Variants in ZSCAN18 observed in about 807,000 individuals in gnomAD.
The protein encoded by ZSCAN18 is zinc finger and SCAN domain-containing protein 18.
A neutral mutation model predicts 31.1 loss-of-function variants in ZSCAN18; 16 were observed. The ratio of observed to expected loss-of-function variants is 0.51; its 90% CI spans 0.35 to 0.78. The LOEUF (loss-of-function observed/expected upper bound fraction) is 0.78, where lower values mean the gene tolerates loss of function less well. ZSCAN18 is among the 30% of genes least tolerant of loss of function. The pLI is 0.01. For missense variants in ZSCAN18, 731 were observed against 697.4 expected (o/e 1.05, Z -0.54); for synonymous variants, 375 against 320.7 (o/e 1.17, Z -1.81).
chr19:58,095,433 C>A (rs2074501918), intron 1 of ZSCAN18, among the ~76,000 whole-genome samples: 1 of 152,180 alleles, frequency 6.6e-6, no homozygotes, highest in South Asian at 2.1e-4. Flanking sequence ...GGGACCCCAC[C>A]TGCAAAGTGA....
In ZSCAN18 at chr19:58,087,416, GA is replaced by G. The variant is rs1354377829; in HGVS notation, c.554-13del. 20 of 1,593,014 alleles carry G rather than the reference GA, an allele frequency of 1.3e-5. No individual in the cohort carries two copies. Among genetic ancestry groups the G allele is most frequent in the Non-Finnish European group, 1.7e-5 (20 of 1,168,960 alleles). ...CGGAGAAAGCCAGGCTGGGGAGAAG[GA>G]GAGGCAGAGCTGAGGCAATGAGCTC... is the stretch of plus-strand genomic sequence containing the variant. On this transcript the variant is annotated splice_polypyrimidine_tract_variant and intron_variant, in intron 3 of 6. Coordinates refer to ENST00000601144, the MANE Select transcript of ZSCAN18 (RefSeq NM_001145543.2).
chr19:58,097,832 A>T (rs1221350827), intron 1 of ZSCAN18: 64 of 430,050 alleles, frequency 1.5e-4, no homozygotes, highest in African/African-American at 1.9e-4. Context: ...TCTCTCCCCC[A>T]TCAGGAGCCG....
At chr19:58,107,988 T>G in intron 1 of ZSCAN18, 2 of 1,041,882 alleles carry the variant, frequency 1.9e-6, no homozygotes, top group Non-Finnish European at 2.3e-6. Context: ...CCTGAAAAGT[T>G]TGACACTGGT....
intron 1 of ZSCAN18, 111 bp downstream of exon 1, chr19:58,098,063 C>G: frequency 1.0e-6 from 1 of 985,604 alleles, no homozygotes; most frequent in Non-Finnish European, 1.2e-6. Context: ...CACCCCAACC[C>G]CGGGAACACC....
chr19:58,110,993 C>T (rs1212553421), intron 1 of ZSCAN18, among the ~76,000 whole-genome samples: 1 of 152,002 alleles, frequency 6.6e-6, no homozygotes, highest in African/African-American at 2.4e-5. Context: ...ACAGTGAAAC[C>T]CCATCTCTAC....
Position 58,105,518 on chromosome 19 carries a change from G to A in ZSCAN18, c.130+12749C>T, listed in dbSNP as rs564267157. 5.1e-3 allele frequency among the ~76,000 whole-genome samples: 770 copies of A among 152,066 alleles called. 6 individuals are homozygous for A. The highest frequency in any genetic ancestry group is 0.016 in the African/African-American group (660 of 41,492). On this transcript the variant is annotated intron_variant, in intron 1 of 1. Transcript: ENST00000595721. ...CTACTAAAAATACAAAAAATTAGCC[G>A]GGCGTGGTGGCGGGTGCCTGTAGTC...
chr19:58,093,097 A>G (rs1378338819), intron 1 of ZSCAN18: 1 of 148,226 alleles, frequency 6.7e-6, no homozygotes, highest in Non-Finnish European at 1.5e-5. Context: ...GTTACCTCAT[A>G]GGCCTGAGCT....
chr19:58,104,135 T>C (rs190274792), intron 1 of ZSCAN18, among the ~76,000 whole-genome samples: 1 of 152,242 alleles, frequency 6.6e-6, no homozygotes, highest in African/African-American at 2.4e-5. Flanking sequence ...TCCCAACACT[T>C]TGGGAGGCCA....
chr19:58,088,803 T>C lies in ZSCAN18; in HGVS notation c.438A>G (p.Ser146=). ...TCTCGTACACTCCATCGCTAAGAAT[T>C]GAGGATGAGCCCGCAGGGGAGCCCA... ...MLLGSPAGSS[S]ILSDGVYERH... The change falls in exon 3 of 7, where the codon TCA becomes TCG. Residue 146 remains serine (S), a synonymous_variant. Coordinates refer to ENST00000601144, the MANE Select transcript of ZSCAN18 (RefSeq NM_001145543.2). 4.3e-6 allele frequency: 7 copies of C among 1,612,880 alleles called. No individual in the cohort carries two copies. Among genetic ancestry groups the C allele is most frequent in the Non-Finnish European group, 5.9e-6 (7 of 1,179,874 alleles).
upstream of ZSCAN18, among the ~76,000 whole-genome samples, chr19:58,101,178 G>C (rs1005055961): frequency 6.7e-6 from 1 of 149,740 alleles, no homozygotes; most frequent in African/African-American, 2.5e-5. Context: ...AGTTGCCCAG[G>C]CTGGAGCGCA....
chr19:58,114,989 A>C (rs1328869986), intron 1 of ZSCAN18, among the ~76,000 whole-genome samples: 1 of 152,218 alleles, frequency 6.6e-6, no homozygotes, highest in Non-Finnish European at 1.5e-5. Flanking sequence ...GAAGCTGTTA[A>C]AAAACAACTA....
rs186479978 is a variant in ZSCAN18, at chr19:58,096,214, G to A, written c.-120+1960C>T. Among the ~76,000 whole-genome samples the A allele has an allele frequency of 8.2e-3, 1,211 of 148,470 alleles. 28 individuals are homozygous for A. Among genetic ancestry groups the A allele is most frequent in the African/African-American group, 0.027 (1,107 of 41,436 alleles). Reference sequence around the variant, plus strand: ...CCAGCCTGGGCGACAGAATGAGCCCGTGTCTCACAAACAAACAAAATAGAG... The same window carrying A: ...CCAGCCTGGGCGACAGAATGAGCCCATGTCTCACAAACAAACAAAATAGAG... On this transcript the variant is annotated intron_variant, in intron 1 of 6. Transcript: ENST00000601144.
chr19:58,101,155 CAG>C (rs1318072031), upstream of ZSCAN18, among the ~76,000 whole-genome samples: 1 of 134,112 alleles, frequency 7.5e-6, no homozygotes, highest in African/African-American at 2.9e-5. Context: ...TTTTTTGAGA[CAG>C]AGTCTTGCTC....
In ZSCAN18 at chr19:58,111,265, T is replaced by C. The variant is rs150687008; in HGVS notation, c.130+7002A>G. On this transcript the variant is annotated intron_variant, in intron 1 of 1. Transcript: ENST00000595721. ...GCCCTGAACTCCATGTGAGCAGGATTGCACCATCCACATGCTCTTGTCTTG... is the reference window on the plus strand; with the variant it reads ...GCCCTGAACTCCATGTGAGCAGGATCGCACCATCCACATGCTCTTGTCTTG... 3.8e-3 allele frequency among the ~76,000 whole-genome samples: 574 copies of C among 152,304 alleles called. 6 individuals carry two copies. The highest frequency in any genetic ancestry group is 0.012 in the African/African-American group (510 of 41,566).
chr19:58,098,869 GT>G (rs2074568427), upstream of ZSCAN18, among the ~76,000 whole-genome samples: 1 of 152,184 alleles, frequency 6.6e-6, no homozygotes, highest in Non-Finnish European at 1.5e-5. Context: ...GCTAAAATGG[GT>G]TCTACAGTTT....
rs746436210 is a variant in ZSCAN18, at chr19:58,090,214, C to T, written c.54G>A (p.Pro18=). ...FASPRSSPAP[P]DLPTPGSAAG... ...CTGCTGACCCCGGCGTGGGCAGATC[C>T]GGCGGGGCTGGGGAGCTCCTGGGGG... Residue 18 remains proline, a synonymous_variant, in exon 2 of 7, where the codon CCG becomes CCA. Transcript: ENST00000601144. The surrounding 1 kb of genome is among the most constrained non-coding windows in gnomAD (Gnocchi z 4.7). 1.2e-5 allele frequency: 19 copies of T among 1,613,514 alleles called. No homozygotes were observed. The highest frequency in any genetic ancestry group is 2.7e-5 in the African/African-American group (2 of 74,926).
chr19:58,115,968 G>A (rs186486516), intron 1 of ZSCAN18, among the ~76,000 whole-genome samples: 5 of 151,976 alleles, frequency 3.3e-5, no homozygotes, highest in Admixed American at 1.3e-4. Flanking sequence ...TTCATCAACA[G>A]GAAAGGCAAG....
upstream of ZSCAN18, among the ~76,000 whole-genome samples, chr19:58,101,428 C>A (rs2074593675): frequency 1.3e-5 from 2 of 150,382 alleles, no homozygotes; most frequent in South Asian, 2.1e-4. Flanking sequence ...GGATTACAGG[C>A]ATGAGCCACT....
At chr19:58,110,372 C>G (rs1332740140) in intron 1 of ZSCAN18, among the ~76,000 whole-genome samples, 1 of 152,048 alleles carries the variant, frequency 6.6e-6, no homozygotes, top group Non-Finnish European at 1.5e-5. Context: ...TGAATCCAGA[C>G]ATGCATACTA....
Sources: allele counts gnomAD v4.1 joint callset (sites outside exome capture counted in the v4.1 genomes callset), GRCh38; gene constraint gnomAD v4.1.1; non-coding constraint Gnocchi (gnomAD v3.1); transcripts MANE v1.5; gene names NCBI Gene and HGNC (gene_info 2026-07-23, HGNC 2026-07-21).